The following NFATC2 variants were observed in gnomAD, a reference collection of about 807,000 sequenced individuals.
NFATC2 encodes nuclear factor of activated T cells 2.
In NFATC2, 22 loss-of-function variants were observed where a neutral mutation model predicts 87.3. The ratio of observed to expected loss-of-function variants is 0.25; its 90% CI spans 0.18 to 0.36. NFATC2 has a LOEUF of 0.36. Among genes scored for constraint, NFATC2 ranks in the 10% least tolerant of loss-of-function variants. NFATC2 has a pLI of 1.00. For synonymous variants in NFATC2, 565 were observed against 542.2 expected (o/e 1.04, Z -0.58); for missense variants, 1,149 against 1,259.1 (o/e 0.91, Z 1.32).
chr20:51,465,764 A>G (rs899858125), intron 5 of NFATC2, among the ~76,000 whole-genome samples: 1 of 151,870 alleles, frequency 6.6e-6, no homozygotes, highest in Admixed American at 6.6e-5. Context: ...TGTTATTTTC[A>G]TCATGACACT....
intron 6 of NFATC2, among the ~76,000 whole-genome samples, chr20:51,443,189 TC>T (rs1984608877): frequency 6.6e-6 from 1 of 151,860 alleles, no homozygotes; most frequent in Admixed American, 6.6e-5. Flanking sequence ...TCCTACACCA[TC>T]CCCTTATAAC....
intron 3 of NFATC2, 46 bp downstream of exon 3, chr20:51,516,738 T>C (rs372006299): frequency 4.5e-6 from 7 of 1,547,630 alleles, no homozygotes. Context: ...GTGAATCTCT[T>C]AGTGACAAAC....
rs1358648970 is a variant in NFATC2, at chr20:51,454,699, A to G, written c.1709-11T>C. ...GAGCAGATCGCTGGGCTGCAGGCAA[A>G]AGAGAGAGAAGTCACTGTGATAAGG... is the stretch of plus-strand genomic sequence containing the variant. On this transcript the variant is annotated splice_polypyrimidine_tract_variant and intron_variant, in intron 5 of 10. Transcript: ENST00000371564. 2 of 1,613,440 alleles carry G rather than the reference A, an allele frequency of 1.2e-6. No individual in the cohort carries two copies. Among genetic ancestry groups the G allele is most frequent in the East Asian group, 2.2e-5 (1 of 44,884 alleles).
At chr20:51,552,195 T>C (rs1410576893) in intron 1 of NFATC2, among the ~76,000 whole-genome samples, 1 of 152,170 alleles carries the variant, frequency 6.6e-6, no homozygotes, top group Non-Finnish European at 1.5e-5. Flanking sequence ...GAGGATGGCT[T>C]GAGCCCAGGA....
chr20:51,534,803 C>T (rs1451155263), intron 1 of NFATC2, among the ~76,000 whole-genome samples: 1 of 152,178 alleles, frequency 6.6e-6, no homozygotes, highest in Non-Finnish European at 1.5e-5. Context: ...AGAACCACTC[C>T]CTGACTTTTC....
Position 51,410,922 on chromosome 20 carries a change from C to T in NFATC2, c.2723-12192G>A, listed in dbSNP as rs1487423283. Among the ~76,000 whole-genome samples the T allele has an allele frequency of 1.3e-5, 2 of 152,146 alleles. 1 individual carries two copies. The highest frequency in any genetic ancestry group is 4.1e-4 in the South Asian group (2 of 4,822). ...GACTGTATGAACCACAGAGCAGGAA[C>T]CTCACTCCATTCACCCAGCACCTAC... On this transcript the variant is annotated intron_variant, in intron 9 of 10. Coordinates refer to ENST00000371564, the MANE Select transcript of NFATC2 (RefSeq NM_012340.5).
rs140098416 is a variant in NFATC2, at chr20:51,410,399, G to A, written c.2723-11669C>T. On this transcript the variant is annotated intron_variant, in intron 9 of 10. Coordinates refer to ENST00000371564, the MANE Select transcript of NFATC2 (RefSeq NM_012340.5). The stretch of plus-strand genomic sequence containing the variant: ...AGATTTGCCAGAAAACATTTTCTAC[G>A]CAGAAGAGCTCAGAGGAAATGACTA... Among the ~76,000 whole-genome samples, 36 of 152,122 alleles carry A rather than the reference G, an allele frequency of 2.4e-4. 1 individual carries two copies. In the East Asian group the frequency reaches 6.4e-3, roughly 27 times the overall value.
intron 9 of NFATC2, among the ~76,000 whole-genome samples, chr20:51,430,964 T>C (rs1982615395): frequency 6.6e-6 from 1 of 152,156 alleles, no homozygotes; most frequent in Middle Eastern, 3.2e-3. Flanking sequence ...AATTTAGGTT[T>C]TTCCTTCTTC....
chr20:51,552,386 A>G (rs1330763964), intron 1 of NFATC2, among the ~76,000 whole-genome samples: 1 of 152,170 alleles, frequency 6.6e-6, no homozygotes, highest in Non-Finnish European at 1.5e-5. Flanking sequence ...CAAATGCCTC[A>G]TTGGCTTCCT....
In NFATC2 at chr20:51,400,718, G is replaced by A. The variant is rs144500032; in HGVS notation, c.2723-1988C>T. 3.2e-4 allele frequency among the ~76,000 whole-genome samples: 48 copies of A among 152,264 alleles called. No homozygotes were observed. The East Asian group carries it at 5.8e-3, about 18-fold the overall frequency. ...AGGCCACCGCCAAACACCCTCCTCC[G>A]CAGGTGGCTACTCGCTCTGCCTTCC... On this transcript the variant is annotated intron_variant, in intron 9 of 10. Coordinates refer to ENST00000371564, the MANE Select transcript of NFATC2 (RefSeq NM_012340.5).
intron 9 of NFATC2, among the ~76,000 whole-genome samples, chr20:51,412,971 GGCCCCCCCATCCCCCGCTCCCGCCGC>G (rs1455960455): frequency 1.0e-4 from 1 of 9,538 alleles, no homozygotes; most frequent in East Asian, 4.2e-3. Flanking sequence ...CACCGACCCC[GGCCCCCCCATCCCCCGCTCCCGCCGC>G]CCCCCCCCCT....
At chr20:51,488,910 T>C (rs193107360) in intron 3 of NFATC2, among the ~76,000 whole-genome samples, 380 of 152,356 alleles carry the variant, frequency 2.5e-3, no homozygotes, top group Non-Finnish European at 4.2e-3. Context: ...ACATTCAAGC[T>C]GGGCGCAGTG....
intron 1 of NFATC2, among the ~76,000 whole-genome samples, chr20:51,536,898 AACAC>A (rs10648135): frequency 1.2e-4 from 18 of 149,780 alleles, no homozygotes; most frequent in African/African-American, 3.2e-4. Context: ...GCAAGCACCA[AACAC>A]ACACACACAC....
intron 9 of NFATC2, among the ~76,000 whole-genome samples, chr20:51,417,673 G>A (rs1421444234): frequency 1.3e-5 from 2 of 152,216 alleles, no homozygotes; most frequent in African/African-American, 4.8e-5. Flanking sequence ...TTGATGAACA[G>A]CCTTCCCCTT....
intron 9 of NFATC2, among the ~76,000 whole-genome samples, chr20:51,430,098 C>T (rs1982471149): frequency 6.6e-6 from 1 of 152,132 alleles, no homozygotes; most frequent in Admixed American, 6.5e-5. Flanking sequence ...ACACGGGTGC[C>T]CCAATATCCA....
At chr20:51,443,740 T>C (rs1330134300) in intron 6 of NFATC2, among the ~76,000 whole-genome samples, 1 of 152,046 alleles carries the variant, frequency 6.6e-6, no homozygotes, top group Non-Finnish European at 1.5e-5. Flanking sequence ...TGAGATGAAA[T>C]AAAGGACTTC....
intron 3 of NFATC2, among the ~76,000 whole-genome samples, chr20:51,492,635 C>T (rs950699406): frequency 2.0e-5 from 3 of 152,202 alleles, no homozygotes; most frequent in Non-Finnish European, 4.4e-5. Flanking sequence ...GGCTGGCACC[C>T]GCCCGGGCCC....
intron 9 of NFATC2, among the ~76,000 whole-genome samples, chr20:51,413,006 C>A (rs867972813): frequency 8.9e-5 from 11 of 123,946 alleles, no homozygotes; most frequent in Non-Finnish European, 1.9e-4. Flanking sequence ...GCCCCCCCCC[C>A]TCCCCGCCAA....
intron 1 of NFATC2, among the ~76,000 whole-genome samples, chr20:51,540,929 G>A (rs576400606): frequency 2.2e-4 from 34 of 152,088 alleles, no homozygotes; most frequent in African/African-American, 7.0e-4. Flanking sequence ...ATATTAGTGC[G>A]GATCGTTTGC....
Sources: allele counts gnomAD v4.1 joint callset (sites outside exome capture counted in the v4.1 genomes callset), GRCh38; gene constraint gnomAD v4.1.1; transcripts MANE v1.5; gene names NCBI Gene and HGNC (gene_info 2026-07-23, HGNC 2026-07-21).